Variants in FAT3 observed in about 807,000 individuals in gnomAD.
FAT3 encodes FAT atypical cadherin 3, also known as protocadherin Fat 3.
Under a neutral mutation model 310.2 loss-of-function variants are expected in FAT3, and 95 were observed. The ratio of observed to expected loss-of-function variants is 0.31; its 90% CI spans 0.26 to 0.36. The LOEUF (loss-of-function observed/expected upper bound fraction) is 0.36, where lower values mean the gene tolerates loss of function less well. Among genes scored for constraint, FAT3 ranks in the 10% least tolerant of loss-of-function variants. The pLI is 1.00. For missense variants in FAT3, 5,408 were observed against 5,715.6 expected, an observed-to-expected ratio of 0.95 and a Z score of 1.74; for synonymous variants, 2,314 against 2,192.9, an observed-to-expected ratio of 1.06 and a Z score of -1.54.
chr11:92,806,974 A>G (rs74840246), intron 12 of FAT3, among the ~76,000 whole-genome samples: 19 of 152,292 alleles, frequency 1.2e-4, no homozygotes, highest in Non-Finnish European at 2.5e-4. Flanking sequence ...AAGGTTATCT[A>G]GTTATGCAGA....
chr11:92,582,890 A>G (rs1938891489), intron 3 of FAT3, among the ~76,000 whole-genome samples: 1 of 152,068 alleles, frequency 6.6e-6, no homozygotes, highest in Admixed American at 6.6e-5. Context: ...CAAAAGCAAA[A>G]TCTGGGCCAA....
At chr11:92,529,139 C>G (rs954085576) in intron 3 of FAT3, among the ~76,000 whole-genome samples, 16 of 152,240 alleles carry the variant, frequency 1.1e-4, no homozygotes, top group African/African-American at 3.9e-4. Context: ...GGAATTTAGT[C>G]TCATAGGAAA....
chr11:92,736,263 A>G (rs932599386), intron 4 of FAT3, among the ~76,000 whole-genome samples: 4 of 152,188 alleles, frequency 2.6e-5, no homozygotes, highest in Non-Finnish European at 5.9e-5. Flanking sequence ...AAGTTCAGGT[A>G]AGCCACAGCC....
rs895845908 is a variant in FAT3, at chr11:92,454,819, A to G, written c.3293-69815A>G. On this transcript the variant is annotated intron_variant, in intron 2 of 27. Coordinates refer to ENST00000525166, the MANE Select transcript of FAT3 (RefSeq NM_001367949.2). The stretch of plus-strand genomic sequence containing the variant: ...TGTGTTTATTAGGTAATAGATAATG[A>G]AAGTAATACTTAACATTTACTTTTT... Among the ~76,000 whole-genome samples, 7 of 152,304 alleles carry G rather than the reference A, an allele frequency of 4.6e-5. No homozygotes were observed. In the East Asian group the frequency reaches 1.2e-3, roughly 25 times the overall value.
intron 2 of FAT3, among the ~76,000 whole-genome samples, chr11:92,364,486 C>T (rs1043518671): frequency 2.0e-5 from 3 of 152,218 alleles, no homozygotes; most frequent in East Asian, 1.9e-4. Flanking sequence ...GTGTTTTGTA[C>T]GCGCATTGAA....
rs1183299405 is a variant in FAT3, at chr11:92,894,803, A to T, written c.*3690A>T. ...TGAGGTTCATCCAATTAGGGAATAAATGTGAAAGGCTGGAAAGGGAACTAG... is the reference window on the plus strand; with the variant it reads ...TGAGGTTCATCCAATTAGGGAATAATTGTGAAAGGCTGGAAAGGGAACTAG... On this transcript the variant is annotated 3_prime_UTR_variant, in exon 28 of 28. Transcript: ENST00000525166. The T allele has an allele frequency of 6.6e-6, 1 of 152,186 alleles. No homozygotes were observed. Among genetic ancestry groups the T allele is most frequent in the Admixed American group, 6.5e-5 (1 of 15,278 alleles). 9.4% of individuals were successfully genotyped at this position (152,186 alleles called of 1,614,324 possible).
At chr11:92,330,641 G>A (rs1947892903) in intron 1 of FAT3, among the ~76,000 whole-genome samples, 1 of 152,220 alleles carries the variant, frequency 6.6e-6, no homozygotes, top group African/African-American at 2.4e-5. Context: ...TATTGCGTGG[G>A]TTTTGAGTTT....
At chr11:92,808,780 G>T (rs1389270658) in intron 12 of FAT3, among the ~76,000 whole-genome samples, 1 of 151,958 alleles carries the variant, frequency 6.6e-6, no homozygotes, top group East Asian at 1.9e-4. Flanking sequence ...AAAAAAATTA[G>T]CCAGGCATGG....
At chr11:92,702,247 A>G (rs1438236757) in intron 4 of FAT3, among the ~76,000 whole-genome samples, 1 of 152,166 alleles carries the variant, frequency 6.6e-6, no homozygotes, top group South Asian at 2.1e-4. Flanking sequence ...CTCTGTATAC[A>G]AGCATCTGTT....
chr11:92,428,644 A>G (rs1050213269), intron 2 of FAT3, among the ~76,000 whole-genome samples: 1 of 152,142 alleles, frequency 6.6e-6, no homozygotes, highest in Non-Finnish European at 1.5e-5. Flanking sequence ...TTATTTACTC[A>G]GTAGTCATTC....
intron 2 of FAT3, among the ~76,000 whole-genome samples, chr11:92,442,058 G>T (rs1201997214): frequency 7.4e-6 from 1 of 134,518 alleles, no homozygotes; most frequent in Non-Finnish European, 1.5e-5. Flanking sequence ...CTTTTTAAGT[G>T]CAAAACTTAA....
chr11:92,767,084 AC>A (rs1201327641), intron 6 of FAT3, among the ~76,000 whole-genome samples: 1 of 152,054 alleles, frequency 6.6e-6, no homozygotes, highest in Non-Finnish European at 1.5e-5. Context: ...CCCCATCTCT[AC>A]TAAAAATACA....
In FAT3 at chr11:92,844,438, CA is replaced by C; in HGVS notation, c.11072del (p.Gln3691ArgfsTer28). On this transcript the variant is annotated frameshift_variant, in exon 19 of 28. Transcript: ENST00000525166. LOFTEE classifies it high-confidence loss of function. The stretch of plus-strand genomic sequence containing the variant: ...GGACAGCCTGCGCATCATCAGCATC[CA>C]GCCCGTGGCAGGCACCAACCAACTG... ...KQDSLRIISI[Q>X]PVAGTNQLDM... 1 of 1,613,988 alleles carries C rather than the reference CA, an allele frequency of 6.2e-7. No individual in the cohort carries two copies. Among genetic ancestry groups the C allele is most frequent in the Non-Finnish European group, 8.5e-7 (1 of 1,179,894 alleles).
In FAT3 at chr11:92,887,051, A is replaced by C. The variant is rs1345910465; in HGVS notation, c.12989A>C (p.Lys4330Thr). 16 of 1,611,580 alleles carry C rather than the reference A, an allele frequency of 9.9e-6. No individual in the cohort carries two copies. Among genetic ancestry groups the C allele is most frequent in the Non-Finnish European group, 1.4e-5 (16 of 1,179,146 alleles). Residue 4330 changes from lysine (K) to threonine (T), a missense_variant, in exon 25 of 28, where the codon AAA (lysine) becomes ACA (threonine). Lys to Thr is a moderately conservative substitution (Grantham distance 78). Transcript: ENST00000525166. ...GTGACCTGCTTTGCAGGTAGTAATA[A>C]AGGCAGCAACTCTGAAGTTCAGTCC... ...GEVTCFAGSNKGSNSEVQSLS... is the reference protein window; with the variant it reads ...GEVTCFAGSNTGSNSEVQSLS...
chr11:92,862,325 G>C (rs1949137963), intron 21 of FAT3, among the ~76,000 whole-genome samples: 2 of 152,030 alleles, frequency 1.3e-5, no homozygotes, highest in African/African-American at 4.8e-5. Flanking sequence ...TTTTCAAAGG[G>C]AGATCTGGAA....
intron 2 of FAT3, among the ~76,000 whole-genome samples, chr11:92,478,953 T>TTTCTTTCTTTCTTTC (rs373667758): frequency 1.1e-4 from 11 of 103,984 alleles, no homozygotes; most frequent in South Asian, 3.5e-4. Flanking sequence ...TCTTTCTTTC[T>TTTCTTTCTTTCTTTC]TTTCTTTTCT....
At position 92,718,454 on chromosome 11, in the gene FAT3, G is replaced by T. The variant is rs547803949; in HGVS notation, c.3669+21009G>T. Reference sequence around the variant, plus strand: ...CTTCCAGCTAGCACCAAAGGAGGAAGTACCTGGGGTTTCTTAATGTGCCCA... The same window carrying T: ...CTTCCAGCTAGCACCAAAGGAGGAATTACCTGGGGTTTCTTAATGTGCCCA... On this transcript the variant is annotated intron_variant, in intron 4 of 27. Coordinates refer to ENST00000525166, the MANE Select transcript of FAT3 (RefSeq NM_001367949.2). Among the ~76,000 whole-genome samples, 3 of 152,220 alleles carry T rather than the reference G, an allele frequency of 2.0e-5. No homozygotes were observed. The East Asian group carries it at 5.8e-4, about 29-fold the overall frequency.
intron 3 of FAT3, among the ~76,000 whole-genome samples, chr11:92,589,408 C>G (rs981358605): frequency 5.9e-5 from 9 of 151,990 alleles, no homozygotes; most frequent in African/African-American, 2.2e-4. Flanking sequence ...AAAATTTTGT[C>G]AAAGGACACA....
intron 2 of FAT3, chr11:92,400,222 A>C (rs966473512): frequency 6.6e-6 from 1 of 152,216 alleles, no homozygotes; most frequent in African/African-American, 2.4e-5. Flanking sequence ...ATTAAATGTC[A>C]AGTGATGATA....
Sources: gnomAD v4.1 joint callset for allele counts (sites outside exome capture counted in the v4.1 genomes callset) on GRCh38, gnomAD v4.1.1 for gene constraint, MANE v1.5 for transcripts, NCBI Gene and HGNC (gene_info 2026-07-23, HGNC 2026-07-21) for gene names.